FGF14: variants seen among roughly 807,000 people sequenced by gnomAD.
The protein encoded by FGF14 is fibroblast growth factor 14.
Under a neutral mutation model 25.5 loss-of-function variants are expected in FGF14, and 5 were observed. The observed-to-expected ratio is 0.20, with a 90% CI of 0.10 to 0.41. The LOEUF (loss-of-function observed/expected upper bound fraction) is 0.41. Ranked by LOEUF, FGF14 falls within the 10% of genes least tolerant of loss-of-function variation. The pLI is 1.00. For missense variants in FGF14, 222 were observed against 320.1 expected (o/e 0.69, Z 2.34); for synonymous variants, 138 against 118.3 (o/e 1.17, Z -1.08).
Position 101,916,661 on chromosome 13 carries a change from G to C in FGF14, c.-16C>G, listed in dbSNP as rs757959492. 32 of 1,522,070 alleles carry C rather than the reference G, an allele frequency of 2.1e-5. No individual in the cohort carries two copies. The African/African-American group carries it at 3.2e-4, about 15-fold the overall frequency. The allele number at this position is 1,522,070 out of a possible 1,614,324, so 94.3% of individuals were successfully genotyped here. A position where few individuals can be genotyped will look rare whatever the true frequency, so the allele number is the denominator to read the frequency against. On this transcript the variant is annotated 5_prime_UTR_variant, in exon 1 of 5. Coordinates refer to ENST00000376143, the MANE Select transcript of FGF14 (RefSeq NM_004115.4). ...CCGCGGCCATGGTGGCCCCGGGAAC[G>C]GGTCCGGGGAGGGAGGGCGCGGGAG...
chr13:102,226,282 G>GA (rs1357129792), intron 1 of FGF14, among the ~76,000 whole-genome samples: 1 of 152,112 alleles, frequency 6.6e-6, no homozygotes, highest in Admixed American at 6.6e-5. Flanking sequence ...TTCCTCCACT[G>GA]AAAAATGAAC....
At chr13:102,124,743 G>T (rs1365307762) in intron 1 of FGF14, among the ~76,000 whole-genome samples, 1 of 151,932 alleles carries the variant, frequency 6.6e-6, no homozygotes, top group Non-Finnish European at 1.5e-5. Context: ...TCTTTCTCTA[G>T]CATCTCTGGC....
At chr13:101,733,591 CAAAAA>C (rs553475621) in intron 3 of FGF14, among the ~76,000 whole-genome samples, 1 of 97,368 alleles carries the variant, frequency 1.0e-5, no homozygotes, top group Admixed American at 1.2e-4. Context: ...AAGACTCCAT[CAAAAA>C]AAAAAAAAAA....
At chr13:102,172,651 C>A (rs2048297194) in intron 1 of FGF14, among the ~76,000 whole-genome samples, 1 of 152,118 alleles carries the variant, frequency 6.6e-6, no homozygotes, top group Admixed American at 6.6e-5. Flanking sequence ...GTGATGCCAC[C>A]ATTCTCACTC....
At chr13:101,969,264 A>G (rs1160194247) in intron 1 of FGF14, among the ~76,000 whole-genome samples, 1 of 152,178 alleles carries the variant, frequency 6.6e-6, no homozygotes, top group Non-Finnish European at 1.5e-5. Context: ...ATTGAAGGAT[A>G]AGAAACGGTA....
intron 1 of FGF14, among the ~76,000 whole-genome samples, chr13:102,190,152 A>G (rs1277124362): frequency 2.0e-5 from 3 of 152,214 alleles, no homozygotes; most frequent in Non-Finnish European, 4.4e-5. Context: ...ACAGAAAAAA[A>G]GAAACTTCCT....
intron 1 of FGF14, among the ~76,000 whole-genome samples, chr13:102,388,657 C>G (rs1325204997): frequency 1.3e-5 from 2 of 152,196 alleles, no homozygotes; most frequent in Non-Finnish European, 2.9e-5. Context: ...ATACCCAGAA[C>G]CATCCCTTCA....
intron 1 of FGF14, among the ~76,000 whole-genome samples, chr13:102,156,611 G>T (rs888831039): frequency 5.3e-4 from 81 of 152,204 alleles, no homozygotes; most frequent in African/African-American, 1.3e-3. Context: ...AAGACAGGGA[G>T]GCCCTCTCTC....
intron 3 of FGF14, among the ~76,000 whole-genome samples, chr13:101,740,241 G>A (rs1324206638): frequency 6.6e-6 from 1 of 152,162 alleles, no homozygotes; most frequent in Non-Finnish European, 1.5e-5. Flanking sequence ...GGTTTTGTCT[G>A]CGGCTCATTC....
chr13:101,774,995 A>G (rs2039011479), intron 3 of FGF14, among the ~76,000 whole-genome samples: 2 of 151,392 alleles, frequency 1.3e-5, no homozygotes, highest in Non-Finnish European at 1.5e-5. Flanking sequence ...AAAGGATTGG[A>G]AAGAAGAGAT....
chr13:102,102,545 C>T (rs1395199459), intron 1 of FGF14, among the ~76,000 whole-genome samples: 1 of 152,174 alleles, frequency 6.6e-6, no homozygotes, highest in Non-Finnish European at 1.5e-5. Context: ...CAGAAGGCCA[C>T]TATTTTACCA....
intron 1 of FGF14, among the ~76,000 whole-genome samples, chr13:102,224,038 T>G (rs576002853): frequency 2.6e-5 from 4 of 152,204 alleles, no homozygotes; most frequent in Non-Finnish European, 5.9e-5. Context: ...TTCTATCATT[T>G]GGCTTCTCTT....
intron 1 of FGF14, among the ~76,000 whole-genome samples, chr13:101,996,058 T>C (rs867353068): frequency 1.3e-5 from 2 of 152,190 alleles, no homozygotes; most frequent in Non-Finnish European, 2.9e-5. Flanking sequence ...GGACACCCCA[T>C]TCTCCATGAT....
intron 1 of FGF14, among the ~76,000 whole-genome samples, chr13:102,152,325 G>A (rs2047122719): frequency 6.6e-6 from 1 of 152,220 alleles, no homozygotes; most frequent in Non-Finnish European, 1.5e-5. Flanking sequence ...GTTGCTTAAA[G>A]AGCAGAAATT....
At chr13:102,302,177 G>A (rs909054485) in intron 1 of FGF14, among the ~76,000 whole-genome samples, 12 of 152,098 alleles carry the variant, frequency 7.9e-5, no homozygotes, top group African/African-American at 2.9e-4. Flanking sequence ...ACTATATCTA[G>A]CATATTGAAT....
At chr13:102,143,564 CT>C (rs963368548) in intron 1 of FGF14, among the ~76,000 whole-genome samples, 2 of 152,086 alleles carry the variant, frequency 1.3e-5, no homozygotes, top group African/African-American at 4.8e-5. Context: ...TGTTTTTCGT[CT>C]TGTGCATTAA....
chr13:102,167,074 G>T (rs916995548), intron 1 of FGF14, among the ~76,000 whole-genome samples: 3 of 152,090 alleles, frequency 2.0e-5, no homozygotes, highest in Admixed American at 6.6e-5. Context: ...GCCGAGGCAG[G>T]TGGATCACCT....
intron 1 of FGF14, among the ~76,000 whole-genome samples, chr13:101,911,784 T>C (rs986835483): frequency 6.6e-6 from 1 of 152,102 alleles, no homozygotes; most frequent in Non-Finnish European, 1.5e-5. Flanking sequence ...ATTATAATTA[T>C]CAAAAAGTTA....
intron 1 of FGF14, among the ~76,000 whole-genome samples, chr13:101,958,473 T>C (rs2036642533): frequency 6.6e-6 from 1 of 152,198 alleles, no homozygotes; most frequent in South Asian, 2.1e-4. Flanking sequence ...TGCTCTCCAT[T>C]CAGTCTGGTT....
Sources: gnomAD v4.1 joint callset for allele counts (sites outside exome capture counted in the v4.1 genomes callset) on GRCh38, gnomAD v4.1.1 for gene constraint, MANE v1.5 for transcripts, NCBI Gene and HGNC (gene_info 2026-07-23, HGNC 2026-07-21) for gene names.